The following CCDC171 variants were observed in gnomAD, a reference collection of about 807,000 sequenced individuals.
CCDC171 encodes coiled-coil domain containing 171.
A neutral mutation model predicts 168.2 loss-of-function variants in CCDC171; 177 were observed. That is an observed-to-expected ratio of 1.05 (90% CI 0.93 to 1.19). The LOEUF is 1.19. Among genes scored for constraint, CCDC171 ranks in the 50% most tolerant of loss-of-function variants. CCDC171 has a pLI of 0.00. For synonymous variants in CCDC171, 687 were observed against 540.8 expected, an observed-to-expected ratio of 1.27 and a Z score of -3.75; for missense variants, 1,991 against 1,539.0, an observed-to-expected ratio of 1.29 and a Z score of -4.91.
chr9:15,565,986 G>A (rs1006301789), intron 2 of CCDC171, among the ~76,000 whole-genome samples: 2 of 152,028 alleles, frequency 1.3e-5, no homozygotes, highest in East Asian at 1.9e-4. Flanking sequence ...AATAATTGAG[G>A]GTTTTAATTT....
At chr9:15,661,465 G>T (rs1196330481) in intron 8 of CCDC171, among the ~76,000 whole-genome samples, 1 of 151,880 alleles carries the variant, frequency 6.6e-6, no homozygotes, top group Non-Finnish European at 1.5e-5. Context: ...TTACTTATAT[G>T]GTTTAAAATT....
rs200852139 is a variant in CCDC171 at position 15,666,159 on chromosome 9, G to T, written c.916-4G>T. 457 of 1,612,924 alleles carry T rather than the reference G, an allele frequency of 2.8e-4. No homozygotes were observed. Among genetic ancestry groups the T allele is most frequent in the Middle Eastern group, 5.0e-4 (3 of 6,052 alleles). ...GATTTAATTACTTGTCTGTCGTCCG[G>T]TAGTTACGGATTCGAGACCTTGAAG... On this transcript the variant is annotated splice_region_variant and splice_polypyrimidine_tract_variant and intron_variant, in intron 8 of 25. Coordinates refer to ENST00000380701, the MANE Select transcript of CCDC171 (RefSeq NM_173550.4).
chr9:15,669,042 C>T (rs896716615), intron 9 of CCDC171, among the ~76,000 whole-genome samples: 1 of 152,044 alleles, frequency 6.6e-6, no homozygotes, highest in African/African-American at 2.4e-5. Context: ...CATGCTTGAA[C>T]CTGCCATTGG....
At chr9:16,054,596 T>C (rs780649286) in intron 1 of CCDC171, among the ~76,000 whole-genome samples, 1 of 152,176 alleles carries the variant, frequency 6.6e-6, no homozygotes, top group Non-Finnish European at 1.5e-5. Context: ...CCTACCTGTC[T>C]GGAATAGAGC....
At chr9:15,675,051 G>T (rs1175333954) in intron 9 of CCDC171, among the ~76,000 whole-genome samples, 1 of 152,038 alleles carries the variant, frequency 6.6e-6, no homozygotes, top group Non-Finnish European at 1.5e-5. Flanking sequence ...CTCCTGTATT[G>T]GGCGAATATA....
At chr9:15,899,642 T>C (rs1821368630) in intron 24 of CCDC171, among the ~76,000 whole-genome samples, 1 of 152,326 alleles carries the variant, frequency 6.6e-6, no homozygotes, top group African/African-American at 2.4e-5. Flanking sequence ...TCTCTTTTGA[T>C]AAAATTTGCG....
At chr9:16,050,383 G>A (rs1262847460) in intron 1 of CCDC171, among the ~76,000 whole-genome samples, 3 of 152,184 alleles carry the variant, frequency 2.0e-5, no homozygotes, top group African/African-American at 7.2e-5. Flanking sequence ...TTCAAAATTT[G>A]TAGACCATAA....
chr9:15,566,798 TA>T (rs2132617267), intron 2 of CCDC171, among the ~76,000 whole-genome samples: 1 of 152,306 alleles, frequency 6.6e-6, no homozygotes, highest in Admixed American at 6.5e-5. Context: ...CTAGAAGTTT[TA>T]TAATTTTAGC....
intron 3 of CCDC171, among the ~76,000 whole-genome samples, chr9:15,991,090 C>A (rs1832180326): frequency 6.6e-6 from 1 of 152,086 alleles, no homozygotes; most frequent in African/African-American, 2.4e-5. Context: ...TAGATATCTA[C>A]AGAACTCTCC....
In CCDC171 at chr9:15,607,202, G is replaced by T. The variant is rs150092788; in HGVS notation, c.675+13030G>T. ...CAGCAATACCATTAATGTAACAAAT[G>T]CTACCTAGATCATGTTAGTGTGTGT... is the stretch of plus-strand genomic sequence containing the variant. On this transcript the variant is annotated intron_variant, in intron 6 of 25. Coordinates refer to ENST00000380701, the MANE Select transcript of CCDC171 (RefSeq NM_173550.4). Among the ~76,000 whole-genome samples, 345 of 152,168 alleles carry T rather than the reference G, an allele frequency of 2.3e-3. 1 individual carries two copies. Among genetic ancestry groups the T allele is most frequent in the African/African-American group, 8.0e-3 (333 of 41,504 alleles).
chr9:15,650,384 A>G (rs997703718), intron 7 of CCDC171, among the ~76,000 whole-genome samples: 24 of 152,258 alleles, frequency 1.6e-4, no homozygotes, highest in Middle Eastern at 3.4e-3. Context: ...TGTACCCTAG[A>G]ACTTAAAGTA....
chr9:15,900,890 T>C (rs1821540613), intron 24 of CCDC171, among the ~76,000 whole-genome samples: 1 of 152,156 alleles, frequency 6.6e-6, no homozygotes, highest in Non-Finnish European at 1.5e-5. Context: ...CAGCCCTAAG[T>C]ACGGGAAGAG....
intron 3 of CCDC171, among the ~76,000 whole-genome samples, chr9:16,000,641 A>G (rs1243584866): frequency 6.6e-6 from 1 of 151,988 alleles, no homozygotes; most frequent in African/African-American, 2.4e-5. Flanking sequence ...CCAGACAGGT[A>G]TGTCTGTAGA....
chr9:15,892,553 G>A (rs1156761717), intron 24 of CCDC171, among the ~76,000 whole-genome samples: 2 of 152,116 alleles, frequency 1.3e-5, no homozygotes, highest in African/African-American at 4.8e-5. Flanking sequence ...TGGGGATGAA[G>A]CCAACTTAAT....
At chr9:15,595,396 G>A (rs187661027) in intron 6 of CCDC171, among the ~76,000 whole-genome samples, 46 of 152,194 alleles carry the variant, frequency 3.0e-4, no homozygotes, top group Non-Finnish European at 5.9e-4. Context: ...AGAACATGTG[G>A]TGTTTGGTTT....
chr9:15,798,136 C>T (rs2058649855), intron 21 of CCDC171, among the ~76,000 whole-genome samples: 1 of 151,938 alleles, frequency 6.6e-6, no homozygotes, highest in Non-Finnish European at 1.5e-5. Flanking sequence ...CTATTTGGGT[C>T]CATTGAATTT....
chr9:15,908,342 C>A (rs1054414688), intron 24 of CCDC171, among the ~76,000 whole-genome samples: 2 of 152,168 alleles, frequency 1.3e-5, no homozygotes, highest in Non-Finnish European at 2.9e-5. Context: ...ATGATGAGTT[C>A]ATGTCCTTTG....
At chr9:15,766,291 A>G (rs76742641) in intron 18 of CCDC171, among the ~76,000 whole-genome samples, 6 of 152,094 alleles carry the variant, frequency 3.9e-5, no homozygotes, top group African/African-American at 1.2e-4. Context: ...TTTTGCCAAC[A>G]TTCATGAAAT....
chr9:16,053,385 A>C (rs1408042884), intron 1 of CCDC171, among the ~76,000 whole-genome samples: 2 of 152,216 alleles, frequency 1.3e-5, no homozygotes, highest in African/African-American at 2.4e-5. Flanking sequence ...GGAGGGTGTC[A>C]TGTACAGGGA....
Sources: gnomAD v4.1 joint callset for allele counts (sites outside exome capture counted in the v4.1 genomes callset) on GRCh38, gnomAD v4.1.1 for gene constraint, MANE v1.5 for transcripts, NCBI Gene and HGNC (gene_info 2026-07-23, HGNC 2026-07-21) for gene names.